The following SYNE2 variants were observed in gnomAD, a reference collection of about 807,000 sequenced individuals.
The protein encoded by SYNE2 is nesprin-2.
In SYNE2, 431 loss-of-function variants were observed where a neutral mutation model predicts 856.3. The observed-to-expected ratio is 0.50, with a 90% CI of 0.47 to 0.55. The LOEUF is 0.55. Among genes scored for constraint, SYNE2 ranks in the 20% least tolerant of loss-of-function variants. The probability of loss-of-function intolerance (pLI) is 0.00; values close to 1 mark genes in which losing one functional copy is unlikely to be tolerated. For synonymous variants in SYNE2, 2,923 were observed against 2,872.3 expected, an observed-to-expected ratio of 1.02 and a Z score of -0.56; for missense variants, 8,129 against 8,023.2, an observed-to-expected ratio of 1.01 and a Z score of -0.50.
At chr14:64,088,047 G>A (rs908044058) in intron 58 of SYNE2, among the ~76,000 whole-genome samples, 191 bp downstream of exon 58, 4 of 152,158 alleles carry the variant, frequency 2.6e-5, no homozygotes, top group Admixed American at 6.5e-5. Context: ...GCTGGGCATC[G>A]TGGTGCACAC....
In SYNE2 at chr14:63,998,313, A is replaced by G. The variant is rs201832213; in HGVS notation, c.3338A>G (p.Asn1113Ser). 4.4e-5 allele frequency: 71 copies of G among 1,609,314 alleles called. No homozygotes were observed. The highest frequency in any genetic ancestry group is 5.8e-5 in the Non-Finnish European group (68 of 1,175,746). The change falls in exon 26 of 116, where the codon AAT becomes AGT. Residue 1113 changes from asparagine to serine, a missense_variant. By Grantham distance (46) the Asn-to-Ser change is conservative. Around this residue, in one of 3 missense-constraint regions of SYNE2, gnomAD observed 2,422 missense variants for 2,357.4 expected, o/e 1.03. Transcript: ENST00000555002. ...GAAAAGGATTACAGTGCATCTATAA[A>G]TAGTTTACTAGAGAGGTAAACTCTT... ...IMEKDYSASI[N>S]SLLERYDTYR...
At chr14:63,814,890 CCAT>C (rs1389864869) in intron 1 of SYNE2, among the ~76,000 whole-genome samples, 1 of 125,726 alleles carries the variant, frequency 8.0e-6, no homozygotes, top group Non-Finnish European at 1.6e-5. Flanking sequence ...ATATATATAT[CCAT>C]ATATATATCC....
chr14:63,998,071 C>G, intron 25 of SYNE2, 148 bp from the exon 26 acceptor site: 1 of 695,950 alleles, frequency 1.4e-6, no homozygotes, highest in South Asian at 1.6e-5. Flanking sequence ...AGACTTTTCT[C>G]TGAGCTGAGA....
intron 2 of SYNE2, among the ~76,000 whole-genome samples, chr14:63,913,928 C>G (rs1389881702): frequency 6.8e-6 from 1 of 146,974 alleles, no homozygotes; most frequent in Admixed American, 6.8e-5. Flanking sequence ...GTCTTGAACT[C>G]CTGGCCTCGA....
Position 64,218,511 on chromosome 14 carries a change from AG to A in SYNE2, c.19657+1del. 1 of 1,613,754 alleles carries A rather than the reference AG, an allele frequency of 6.2e-7. No homozygotes were observed. Among genetic ancestry groups the A allele is most frequent in the Non-Finnish European group, 8.5e-7 (1 of 1,179,926 alleles). ...GLAGITEQQS[G>X]AFDRWEMIQA... ...TGGCCGGTATCACAGAGCAGCAGTC[AG>A]GTACTGCCTGTAACTGGCAGTCGTC... On this transcript the variant is annotated frameshift_variant and splice_region_variant, in exon 109 of 116. Transcript: ENST00000555002. LOFTEE classifies it high-confidence loss of function.
At chr14:64,097,791 G>A (rs1203409262) in intron 61 of SYNE2, among the ~76,000 whole-genome samples, 158 bp from the exon 62 acceptor site, 1 of 152,224 alleles carries the variant, frequency 6.6e-6, no homozygotes, top group African/African-American at 2.4e-5. Context: ...TTGTATCCAG[G>A]ATGGAAAGGA....
intron 19 of SYNE2, among the ~76,000 whole-genome samples, chr14:63,989,958 G>A (rs1179772899): frequency 6.6e-6 from 1 of 152,108 alleles, no homozygotes; most frequent in Non-Finnish European, 1.5e-5. Context: ...CCGCAGCTTG[G>A]TTTTTATGGA....
At chr14:64,179,861 G>T (rs978987829) in intron 96 of SYNE2, among the ~76,000 whole-genome samples, 2 of 152,048 alleles carry the variant, frequency 1.3e-5, no homozygotes, top group African/African-American at 4.8e-5. Context: ...GGTATTGCTG[G>T]CTGAACAAAA....
intron 1 of SYNE2, among the ~76,000 whole-genome samples, chr14:63,897,938 A>G (rs1347100913): frequency 6.6e-6 from 1 of 152,220 alleles, no homozygotes; most frequent in Non-Finnish European, 1.5e-5. Flanking sequence ...TTTGCAAACC[A>G]CAAATTCTTC....
Position 64,113,499 on chromosome 14 carries a change from C to A in SYNE2, c.12768C>A (p.Asn4256Lys). The change falls in exon 66 of 116, where the codon AAC becomes AAA. Residue 4256 changes from asparagine (N) to lysine (K), a missense_variant. Coordinates refer to ENST00000555002, the MANE Select transcript of SYNE2 (RefSeq NM_182914.3). ...TGGAGCTGTGGCTGCAACAAGCCAA[C>A]GTGGCAGTTGAGCCGGAAACATTAA... is the stretch of plus-strand genomic sequence containing the variant. ...AELELWLQQANVAVEPETLNA... is the reference protein window; with the variant it reads ...AELELWLQQAKVAVEPETLNA... 1 of 1,614,072 alleles carries A rather than the reference C, an allele frequency of 6.2e-7. No individual in the cohort carries two copies. The highest frequency in any genetic ancestry group is 1.1e-5 in the South Asian group (1 of 91,062).
intron 1 of SYNE2, among the ~76,000 whole-genome samples, chr14:63,771,982 G>A (rs1886933024): frequency 6.6e-6 from 1 of 152,166 alleles, no homozygotes; most frequent in South Asian, 2.1e-4. Context: ...GCATGAATAT[G>A]GATGAGAACC....
intron 7 of SYNE2, among the ~76,000 whole-genome samples, chr14:63,950,468 T>C (rs947091108): frequency 1.3e-5 from 2 of 152,054 alleles, no homozygotes; most frequent in African/African-American, 4.8e-5. Context: ...GGCAGGAGAA[T>C]CGCTTGAACC....
At chr14:63,766,498 C>T (rs146114948) in intron 1 of SYNE2, among the ~76,000 whole-genome samples, 11 of 152,300 alleles carry the variant, frequency 7.2e-5, no homozygotes, top group African/African-American at 2.4e-4. Context: ...GCTGGTGTCA[C>T]CTGGGGAGCA....
rs61984375 is a variant in SYNE2 at position 64,211,675 on chromosome 14, A to G, written c.18724-286A>G. Among the ~76,000 whole-genome samples, 6,874 of 152,292 alleles carry G rather than the reference A, an allele frequency of 0.045. 183 individuals are homozygous for G. Among genetic ancestry groups the G allele is most frequent in the Non-Finnish European group, 0.051 (3,485 of 68,022 alleles). ...GAGAATTTTAGAATTTCAAATGCTTAAGGACCTCAGAGACCATAATCAACA... is the reference window on the plus strand; with the variant it reads ...GAGAATTTTAGAATTTCAAATGCTTGAGGACCTCAGAGACCATAATCAACA... On this transcript the variant is annotated intron_variant, in intron 103 of 115. Coordinates refer to ENST00000555002, the MANE Select transcript of SYNE2 (RefSeq NM_182914.3).
At position 64,225,337 on chromosome 14, in the gene SYNE2, G is replaced by T; in HGVS notation, c.20535G>T (p.Arg6845=). The T allele has an allele frequency of 6.2e-7, 1 of 1,614,068 alleles. No individual in the cohort carries two copies. The highest frequency in any genetic ancestry group is 8.5e-7 in the Non-Finnish European group (1 of 1,180,004). Residue 6845 remains arginine (R), a synonymous_variant, in exon 116 of 116, where the codon CGG becomes CGT. Coordinates refer to ENST00000555002, the MANE Select transcript of SYNE2 (RefSeq NM_182914.3). ...ETESRVPGST[R]PQRSFLSRVV... is the part of the protein sequence containing the mutation. ...TTGGCAGGGTCCCCGGCAGCACACGGCCACAGCGCTCCTTCCTCTCAAGGG... is the reference window on the plus strand; with the variant it reads ...TTGGCAGGGTCCCCGGCAGCACACGTCCACAGCGCTCCTTCCTCTCAAGGG...
rs1452048192 is a variant in SYNE2, at chr14:63,997,124, C to G, written c.3118C>G (p.Leu1040Val). 1 of 1,614,126 alleles carries G rather than the reference C, an allele frequency of 6.2e-7. No homozygotes were observed. The highest frequency in any genetic ancestry group is 1.7e-5 in the Admixed American group (1 of 60,010). ...LKCASEIHMT[L>V]QPTAGGTSKN... ...ATGTGCTTCCGAGATTCATATGACA[C>G]TGCAGCCCACAGCGGGAGGCACGTC... is the stretch of plus-strand genomic sequence containing the variant. The change falls in exon 24 of 116, where the codon CTG becomes GTG. Residue 1040 changes from leucine (L) to valine (V), a missense_variant. By Grantham distance (32) the Leu-to-Val change is conservative. Around this residue, in one of 3 missense-constraint regions of SYNE2, gnomAD observed 2,422 missense variants for 2,357.4 expected, o/e 1.03. Coordinates refer to ENST00000555002, the MANE Select transcript of SYNE2 (RefSeq NM_182914.3).
At chr14:63,924,834 G>GTTTTTTTTT (rs1160819887) in intron 2 of SYNE2, among the ~76,000 whole-genome samples, 22 of 56,450 alleles carry the variant, frequency 3.9e-4, no homozygotes, top group Non-Finnish European at 5.2e-4. Context: ...CAGCCTTGGT[G>GTTTTTTTTT]TTTTTTTTTT....
chr14:63,820,940 G>A (rs1018421588), intron 1 of SYNE2, among the ~76,000 whole-genome samples: 4 of 151,848 alleles, frequency 2.6e-5, no homozygotes, highest in African/African-American at 7.3e-5. Context: ...TAGTAGAGAC[G>A]GGGTTTCACC....
At chr14:64,112,120 G>A (rs1214212870) in intron 65 of SYNE2, among the ~76,000 whole-genome samples, 1 of 152,166 alleles carries the variant, frequency 6.6e-6, no homozygotes, top group East Asian at 1.9e-4. Context: ...TGCCTGACAC[G>A]TGTTTGTTAC....
Sources: allele counts gnomAD v4.1 joint callset (sites outside exome capture counted in the v4.1 genomes callset), GRCh38; gene constraint gnomAD v4.1.1; regional missense constraint gnomAD v4.1.1; transcripts MANE v1.5; gene names NCBI Gene and HGNC (gene_info 2026-07-23, HGNC 2026-07-21).